Variants in SLC4A2 observed in about 807,000 individuals in gnomAD.
SLC4A2 encodes the protein solute carrier family 4 member 2.
Under a neutral mutation model 115.0 loss-of-function variants are expected in SLC4A2, and 36 were observed. The observed-to-expected ratio is 0.31, with a 90% confidence interval of 0.24 to 0.41. SLC4A2 has a LOEUF of 0.41. SLC4A2 is among the 10% of genes least tolerant of loss of function. The pLI, the probability that SLC4A2 is intolerant of heterozygous loss-of-function variation, is 1.00. For synonymous variants in SLC4A2, 708 were observed against 708.3 expected, an observed-to-expected ratio of 1.00 and a Z score of 0.01; for missense variants, 1,252 against 1,705.6, an observed-to-expected ratio of 0.73 and a Z score of 4.68.
intron 2 of SLC4A2, chr7:151,062,742 T>C: frequency 7.2e-7 from 1 of 1,396,584 alleles, no homozygotes; most frequent in Non-Finnish European, 9.3e-7. Context: ...CCCACGGGGC[T>C]GCTTCTGGTG....
In SLC4A2 at chr7:151,071,791, T is replaced by A; in HGVS notation, c.2294T>A (p.Ile765Asn). Reference protein sequence around the residue: ...CLLGAQPLLVIGFSGPLLVFE... With the variant: ...CLLGAQPLLVNGFSGPLLVFE... ...CTGGGTGCCCAGCCCCTGTTGGTGA[T>A]CGGCTTCTCAGGGCCCCTGCTGGTC... Residue 765 changes from isoleucine to asparagine, a missense_variant, in exon 15 of 23, where the codon ATC becomes AAC. Transcript: ENST00000413384. The surrounding 1 kb of genome is among the most constrained non-coding windows in gnomAD (Gnocchi z 5.5). 1 of 1,611,594 alleles carries A rather than the reference T, an allele frequency of 6.2e-7. No homozygotes were observed. The highest frequency in any genetic ancestry group is 2.2e-5 in the East Asian group (1 of 44,844).
intron 2 of SLC4A2, chr7:151,063,161 C>A (rs34812156): frequency 1.6e-5 from 22 of 1,418,574 alleles, no homozygotes; most frequent in Admixed American, 1.1e-4. Flanking sequence ...GCCGGCCGGC[C>A]GCTGCTCCGC....
chr7:151,069,287 T>C (rs968356450), intron 8 of SLC4A2, among the ~76,000 whole-genome samples: 10 of 152,096 alleles, frequency 6.6e-5, no homozygotes. Context: ...GGCGTTGTGG[T>C]CTCCAGCCTG....
Position 151,071,869 on chromosome 7 carries a change from C to A in SLC4A2, c.2340+32C>A. ...GCTCTTCTCGCCCATCTCCAGCCGC[C>A]CCTCCCGTGCCCTAGACACCTCCCC... On this transcript the variant is annotated intron_variant, in intron 15 of 22. Coordinates refer to ENST00000413384, the MANE Select transcript of SLC4A2 (RefSeq NM_003040.4). This position sits in a 1 kb window ranked among gnomAD's most constrained non-coding sequence, Gnocchi z 5.5. The A allele has an allele frequency of 6.2e-7, 1 of 1,602,258 alleles. No individual in the cohort carries two copies. The highest frequency in any genetic ancestry group is 8.5e-7 in the Non-Finnish European group (1 of 1,172,910).
rs370493273 is a variant in SLC4A2, at chr7:151,064,831, G to A, written c.460-17G>A. 3 of 1,613,838 alleles carry A rather than the reference G, an allele frequency of 1.9e-6. No individual in the cohort carries two copies. The highest frequency in any genetic ancestry group is 2.5e-6 in the Non-Finnish European group (3 of 1,179,936). ...CCCTGGCCTGGTCACTCCTGCCCAT[G>A]TGGGTCCCTGTTACAGTTCTTTCTC... On this transcript the variant is annotated splice_polypyrimidine_tract_variant and intron_variant, in intron 4 of 22. Transcript: ENST00000413384.
At position 151,060,351 on chromosome 7, in the gene SLC4A2, C is replaced by G. The variant is rs1019160711; in HGVS notation, c.-64+589C>G. On this transcript the variant is annotated intron_variant, in intron 1 of 22. Transcript: ENST00000413384. This position sits in a 1 kb window ranked among gnomAD's most constrained non-coding sequence, Gnocchi z 5.9. Reference sequence around the variant, plus strand: ...GTGAGAGGCGGCACTGCCTGAAACCCAGGGTCTACTTTATCCCCCTTCGTT... The same window carrying G: ...GTGAGAGGCGGCACTGCCTGAAACCGAGGGTCTACTTTATCCCCCTTCGTT... The G allele has an allele frequency of 2.6e-5, 4 of 152,376 alleles. No individual in the cohort carries two copies. The highest frequency in any genetic ancestry group is 4.8e-5 in the African/African-American group (2 of 41,436). The allele number at this position is 152,376 out of a possible 1,614,324, so 9.4% of individuals were successfully genotyped here. A position where few individuals can be genotyped will look rare whatever the true frequency, so the allele number is the denominator to read the frequency against.
At chr7:151,069,159 A>AAAAAAAAAAAAAAAAAAAAAAAT (rs1554451788) in intron 8 of SLC4A2, among the ~76,000 whole-genome samples, 1 of 147,950 alleles carries the variant, frequency 6.8e-6, no homozygotes, top group Non-Finnish European at 1.5e-5. Flanking sequence ...AAAAAAAAAA[A>AAAAAAAAAAAAAAAAAAAAAAAT]GCAGCTGAGG....
In SLC4A2 at chr7:151,072,049, C is replaced by T. The variant is rs1359775910; in HGVS notation, c.2448C>T (p.Val816=). The change falls in exon 16 of 23, where the codon GTC becomes GTT. Residue 816 remains valine, a synonymous_variant. Transcript: ENST00000413384. Reference sequence around the variant, plus strand: ...TGGCCCTGGAGGGGAGCTTCCTGGTCCGCTTCGTCTCCCGCTTCACCCAGG... The same window carrying T: ...TGGCCCTGGAGGGGAGCTTCCTGGTTCGCTTCGTCTCCCGCTTCACCCAGG... ...LMVALEGSFL[V]RFVSRFTQEI... The T allele has an allele frequency of 1.9e-6, 3 of 1,614,106 alleles. No individual in the cohort carries two copies. Among genetic ancestry groups the T allele is most frequent in the South Asian group, 1.1e-5 (1 of 91,074 alleles).
At position 151,076,304 on chromosome 7, in the gene SLC4A2, A is replaced by G; in HGVS notation, c.3663A>G (p.Ala1221=). Residue 1221 remains alanine (A), a synonymous_variant, in exon 23 of 23, where the codon GCA becomes GCG. Coordinates refer to ENST00000413384, the MANE Select transcript of SLC4A2 (RefSeq NM_003040.4). The part of the protein sequence containing the change: ...REMKCLDANE[A]EPVFDEREGV... ...ACACACAGCTGGATGCTAACGAGGC[A>G]GAGCCGGTGTTTGATGAGCGGGAGG... 2 of 1,551,794 alleles carry G rather than the reference A, an allele frequency of 1.3e-6. No individual in the cohort carries two copies. Among genetic ancestry groups the G allele is most frequent in the South Asian group, 1.2e-5 (1 of 80,966 alleles).
chr7:151,058,369 A>C, upstream of SLC4A2: 1 of 173,146 alleles, frequency 5.8e-6, no homozygotes, highest in Non-Finnish European at 1.2e-5. Context: ...TGTGTTCCCA[A>C]CGGCCTCTTG....
intron 16 of SLC4A2, 172 bp from the exon 17 acceptor site, chr7:151,073,867 G>GC: frequency 1.4e-6 from 1 of 691,642 alleles, no homozygotes. Context: ...GCCCCACACT[G>GC]CCCTGTGCTC....
chr7:151,070,569 T>C lies in SLC4A2; in HGVS notation c.1562T>C (p.Val521Ala). 6.2e-7 allele frequency: 1 copy of C among 1,612,576 alleles called. No individual in the cohort carries two copies. Among genetic ancestry groups the C allele is most frequent in the Non-Finnish European group, 8.5e-7 (1 of 1,179,256 alleles). ...PENAEATVVLVGCVEFLSRPT... is the reference protein window; with the variant it reads ...PENAEATVVLAGCVEFLSRPT... ...AATGCCGAGGCCACGGTGGTCCTTG[T>C]GGGTATGTGGGGCAGGTCACATGTA... The change falls in exon 11 of 23, where the codon GTG becomes GCG. Residue 521 changes from valine (V) to alanine (A), a missense_variant and splice_region_variant. Transcript: ENST00000413384.
chr7:151,073,110 C>T (rs1797496381), intron 16 of SLC4A2, among the ~76,000 whole-genome samples: 1 of 152,098 alleles, frequency 6.6e-6, no homozygotes, highest in African/African-American at 2.4e-5. Flanking sequence ...GGGCCCCACG[C>T]CTGGCTAATT....
At chr7:151,064,016 AC>A (rs1208215390) in intron 2 of SLC4A2, among the ~76,000 whole-genome samples, 185 bp from the exon 3 acceptor site, 2 of 151,636 alleles carry the variant, frequency 1.3e-5, no homozygotes, top group African/African-American at 2.4e-5. Flanking sequence ...GGTGTGAGCC[AC>A]TGTGCCTGGC....
In SLC4A2 at chr7:151,074,176, G is replaced by C. The variant is rs1397174656; in HGVS notation, c.2673G>C (p.Gln891His). 1.2e-6 allele frequency: 2 copies of C among 1,612,944 alleles called. No homozygotes were observed. The highest frequency in any genetic ancestry group is 3.3e-5 in the Admixed American group (2 of 60,018). ...GGAGCTTGGCTGGGCAGTCTGGGCAGGGGAAGCCCCGGGGCCAGCCCAACA... is the reference window on the plus strand; with the variant it reads ...GGAGCTTGGCTGGGCAGTCTGGGCACGGGAAGCCCCGGGGCCAGCCCAACA... Reference protein sequence around the residue: ...GNRSLAGQSGQGKPRGQPNTA... With the variant: ...GNRSLAGQSGHGKPRGQPNTA... The change falls in exon 17 of 23, where the codon CAG (glutamine) becomes CAC (histidine). Residue 891 changes from glutamine (Q) to histidine (H), a missense_variant. Gln to His is a conservative substitution (Grantham distance 24). This residue lies in a region of SLC4A2 where 55 missense variants were observed against 48.6 expected (regional missense o/e 1.13). Coordinates refer to ENST00000413384, the MANE Select transcript of SLC4A2 (RefSeq NM_003040.4).
chr7:151,063,709 G>T (rs536397823), intron 2 of SLC4A2, among the ~76,000 whole-genome samples: 4 of 151,972 alleles, frequency 2.6e-5, no homozygotes, highest in Admixed American at 2.6e-4. Flanking sequence ...GGAGGACTGG[G>T]TCCCTATATT....
In SLC4A2 at chr7:151,076,407, G is replaced by A. The variant is rs1797648001; in HGVS notation, c.*40G>A. 3 of 1,437,360 alleles carry A rather than the reference G, an allele frequency of 2.1e-6. No individual in the cohort carries two copies. The highest frequency in any genetic ancestry group is 1.4e-5 in the African/African-American group (1 of 69,088). The allele number at this position is 1,437,360 out of a possible 1,614,324, so 89.0% of individuals were successfully genotyped here. A position where few individuals can be genotyped will look rare whatever the true frequency, so the allele number is the denominator to read the frequency against. On this transcript the variant is annotated 3_prime_UTR_variant, in exon 23 of 23. Transcript: ENST00000413384. Reference sequence around the variant, plus strand: ...CAGCCGAGGGACCGATGGACGAGGGGACAGGCTGGTGGGATGGGGTTCCCC... The same window carrying A: ...CAGCCGAGGGACCGATGGACGAGGGAACAGGCTGGTGGGATGGGGTTCCCC...
chr7:151,064,945 C>T lies in SLC4A2; in HGVS notation c.557C>T (p.Ala186Val). ...CCCCACCAGGAGGCGACTCCTCGGG[C>T]CTCCAAAGGGGCCCAGGCTGGGTAA... ...PLPHQEATPR[A>V]SKGAQAGTQV... The change falls in exon 5 of 23, where the codon GCC (alanine) becomes GTC (valine). Residue 186 changes from alanine to valine, a missense_variant. Ala to Val is a moderately conservative substitution (Grantham distance 64, BLOSUM62 0). Coordinates refer to ENST00000413384, the MANE Select transcript of SLC4A2 (RefSeq NM_003040.4). The T allele has an allele frequency of 6.2e-7, 1 of 1,613,040 alleles. No homozygotes were observed. Among genetic ancestry groups the T allele is most frequent in the Non-Finnish European group, 8.5e-7 (1 of 1,179,224 alleles).
intron 2 of SLC4A2, chr7:151,062,414 A>C: frequency 1.2e-6 from 1 of 806,604 alleles, no homozygotes; most frequent in Non-Finnish European, 1.8e-6. Flanking sequence ...GCCTGCCACG[A>C]CTGGCCACGC....
Sources: allele counts gnomAD v4.1 joint callset (sites outside exome capture counted in the v4.1 genomes callset), GRCh38; gene constraint gnomAD v4.1.1; regional missense constraint gnomAD v4.1.1; non-coding constraint Gnocchi (gnomAD v3.1); transcripts MANE v1.5; gene names NCBI Gene and HGNC (gene_info 2026-07-23, HGNC 2026-07-21).